The following LHFPL6 variants were observed in gnomAD, a reference collection of about 807,000 sequenced individuals.
LHFPL6 encodes the protein LHFPL tetraspan subfamily member 6.
LHFPL6 carries 9 observed loss-of-function variants against 20.6 expected under a neutral mutation model. That is an observed-to-expected ratio of 0.44 (90% CI 0.26 to 0.76). LHFPL6 has a LOEUF of 0.76. Ranked by LOEUF, LHFPL6 falls within the 30% of genes least tolerant of loss-of-function variation. The pLI, the probability that LHFPL6 is intolerant of heterozygous loss-of-function variation, is 0.20. For missense variants in LHFPL6, 218 were observed against 253.5 expected (o/e 0.86, Z 0.95); for synonymous variants, 105 against 98.7 (o/e 1.06, Z -0.38).
intron 2 of LHFPL6, among the ~76,000 whole-genome samples, chr13:39,387,051 T>C (rs1870583219): frequency 1.3e-5 from 2 of 152,184 alleles, no homozygotes; most frequent in African/African-American, 2.4e-5. Context: ...ACCCTTTACT[T>C]GAGGCTGACC....
At chr13:39,386,823 T>C (rs1224817960) in intron 2 of LHFPL6, among the ~76,000 whole-genome samples, 3 of 152,228 alleles carry the variant, frequency 2.0e-5, no homozygotes, top group African/African-American at 7.2e-5. Flanking sequence ...CCTGACTTAC[T>C]GCACCTATTA....
rs553087299 is a variant in LHFPL6 at position 39,517,347 on chromosome 13, C to T, written c.385+83485G>A. Among the ~76,000 whole-genome samples, 7 of 152,274 alleles carry T rather than the reference C, an allele frequency of 4.6e-5. No individual in the cohort carries two copies. In the South Asian group the frequency reaches 1.5e-3, roughly 32 times the overall value. ...AAGAAGGACAAACCCTGTCTGTTCA[C>T]GTTCTAAGCATTCATGATTTTCAAG... On this transcript the variant is annotated intron_variant, in intron 2 of 3. Coordinates refer to ENST00000379589, the MANE Select transcript of LHFPL6 (RefSeq NM_005780.3).
intron 2 of LHFPL6, among the ~76,000 whole-genome samples, chr13:39,400,782 CAAAAAAAAAAAA>C (rs34833321): frequency 9.3e-5 from 5 of 53,494 alleles, no homozygotes; most frequent in South Asian, 1.2e-3. Flanking sequence ...GACTCCGTCT[CAAAAAAAAAAAA>C]AAAAAAAAAA....
intron 2 of LHFPL6, among the ~76,000 whole-genome samples, chr13:39,426,161 T>C (rs1001271598): frequency 2.7e-4 from 41 of 152,152 alleles, no homozygotes; most frequent in Non-Finnish European, 5.3e-4. Context: ...AATAACTCCC[T>C]ATTCTCCATT....
At chr13:39,363,877 C>T (rs191248314) in intron 3 of LHFPL6, among the ~76,000 whole-genome samples, 10 of 152,224 alleles carry the variant, frequency 6.6e-5, no homozygotes, top group Admixed American at 2.6e-4. Context: ...TAAACCAGGC[C>T]GTTGGGATAT....
intron 2 of LHFPL6, among the ~76,000 whole-genome samples, chr13:39,388,359 G>A (rs1365042167): frequency 6.6e-6 from 1 of 152,162 alleles, no homozygotes; most frequent in African/African-American, 2.4e-5. Flanking sequence ...GCTAACTTCA[G>A]TCATGAGTGA....
At chr13:39,522,896 G>T (rs1870156440) in intron 2 of LHFPL6, among the ~76,000 whole-genome samples, 1 of 152,206 alleles carries the variant, frequency 6.6e-6, no homozygotes, top group Admixed American at 6.5e-5. Context: ...ATGAGCACAT[G>T]ATTAGATGGA....
At chr13:39,394,094 C>A (rs73453091) in intron 2 of LHFPL6, among the ~76,000 whole-genome samples, 1 of 152,134 alleles carries the variant, frequency 6.6e-6, no homozygotes, top group Admixed American at 6.5e-5. Flanking sequence ...GCATACGCCA[C>A]CACACCCAGC....
chr13:39,355,353 C>G (rs1042593473), intron 3 of LHFPL6, among the ~76,000 whole-genome samples: 2 of 152,044 alleles, frequency 1.3e-5, no homozygotes, highest in African/African-American at 4.8e-5. Context: ...TAAAGAAATT[C>G]ATTACCACCA....
In LHFPL6 at chr13:39,601,269, G is replaced by C. The variant is rs1872938090; in HGVS notation, c.-53C>G. The C allele has an allele frequency of 6.5e-7, 1 of 1,533,144 alleles. No individual in the cohort carries two copies. Among genetic ancestry groups the C allele is most frequent in the South Asian group, 1.3e-5 (1 of 78,896 alleles). The allele number at this position is 1,533,144 out of a possible 1,614,324, so 95.0% of individuals were successfully genotyped here. ...CCAAGTAAGTGTTCAGGGACTGCAG[G>C]AGTGAATGAAGGTGTGAAATCACCA... On this transcript the variant is annotated 5_prime_UTR_variant, in exon 2 of 4. Coordinates refer to ENST00000379589, the MANE Select transcript of LHFPL6 (RefSeq NM_005780.3).
intron 2 of LHFPL6, among the ~76,000 whole-genome samples, chr13:39,379,531 G>A (rs368046818): frequency 6.6e-5 from 10 of 152,240 alleles, no homozygotes; most frequent in African/African-American, 1.7e-4. Flanking sequence ...GGCAGGGCCC[G>A]GAATGTATCT....
intron 2 of LHFPL6, among the ~76,000 whole-genome samples, chr13:39,381,260 T>C (rs1870429716): frequency 6.6e-6 from 1 of 152,182 alleles, no homozygotes; most frequent in Non-Finnish European, 1.5e-5. Flanking sequence ...TGAAAACACC[T>C]AGTCTGGCCC....
At chr13:39,378,298 T>A in intron 3 of LHFPL6, 130 bp downstream of exon 3, 1 of 653,496 alleles carries the variant, frequency 1.5e-6, no homozygotes, top group Non-Finnish European at 2.7e-6. Context: ...ATTTATATTG[T>A]TACACGTGAC....
intron 2 of LHFPL6, among the ~76,000 whole-genome samples, chr13:39,386,828 C>T (rs955135452): frequency 6.6e-6 from 1 of 152,182 alleles, no homozygotes; most frequent in Non-Finnish European, 1.5e-5. Context: ...CTTACTGCAC[C>T]TATTACTGGT....
At chr13:39,563,556 T>C (rs973047212) in intron 2 of LHFPL6, among the ~76,000 whole-genome samples, 1 of 152,160 alleles carries the variant, frequency 6.6e-6, no homozygotes, top group African/African-American at 2.4e-5. Flanking sequence ...GTCAGCAGTA[T>C]AGAGGCATTC....
At chr13:39,420,585 C>T (rs950024905) in intron 2 of LHFPL6, among the ~76,000 whole-genome samples, 5 of 152,102 alleles carry the variant, frequency 3.3e-5, no homozygotes, top group Admixed American at 2.0e-4. Context: ...GGGTTTGTGA[C>T]GTTTGAGTAG....
intron 2 of LHFPL6, among the ~76,000 whole-genome samples, chr13:39,527,897 T>C (rs1231715461): frequency 6.6e-6 from 1 of 152,206 alleles, no homozygotes; most frequent in Non-Finnish European, 1.5e-5. Flanking sequence ...ATTTCTAACT[T>C]AATCTTAAAT....
chr13:39,572,021 A>T (rs1404836797), intron 2 of LHFPL6, among the ~76,000 whole-genome samples: 1 of 152,198 alleles, frequency 6.6e-6, no homozygotes, highest in Non-Finnish European at 1.5e-5. Context: ...TCCTGCATCA[A>T]TATGTCCAAG....
At chr13:39,465,418 TC>T (rs1872779835) in intron 2 of LHFPL6, among the ~76,000 whole-genome samples, 1 of 152,148 alleles carries the variant, frequency 6.6e-6, no homozygotes, top group South Asian at 2.1e-4. Context: ...AATAACTCAT[TC>T]CCCTAATTTA....
Sources: gnomAD v4.1 joint callset for allele counts (sites outside exome capture counted in the v4.1 genomes callset) on GRCh38, gnomAD v4.1.1 for gene constraint, MANE v1.5 for transcripts, NCBI Gene and HGNC (gene_info 2026-07-23, HGNC 2026-07-21) for gene names.